FYB2: variants seen among roughly 807,000 people sequenced by gnomAD.
FYB2 encodes the protein FYN-binding protein 2.
Under a neutral mutation model 94.1 loss-of-function variants are expected in FYB2, and 103 were observed. That is an observed-to-expected ratio of 1.09 (90% CI 0.93 to 1.29). FYB2 has a LOEUF of 1.29. FYB2 is among the 50% of genes most tolerant of loss of function. FYB2 has a pLI of 0.00. For synonymous variants in FYB2, 293 were observed against 287.9 expected, an observed-to-expected ratio of 1.02 and a Z score of -0.18; for missense variants, 896 against 841.5, an observed-to-expected ratio of 1.06 and a Z score of -0.80.
intron 1 of FYB2, among the ~76,000 whole-genome samples, chr1:56,807,862 C>G (rs1458772870): frequency 6.6e-6 from 1 of 152,172 alleles, no homozygotes; most frequent in African/African-American, 2.4e-5. Flanking sequence ...AACTTTCATT[C>G]CCATCAATAA....
chr1:56,756,927 G>A (rs528433727), intron 6 of FYB2, among the ~76,000 whole-genome samples: 7 of 152,052 alleles, frequency 4.6e-5, no homozygotes, highest in East Asian at 1.9e-4. Context: ...GTGGTAGTTT[G>A]GTGTGAAGGG....
chr1:56,745,690 A>C (rs145659623), intron 9 of FYB2, among the ~76,000 whole-genome samples: 1 of 152,070 alleles, frequency 6.6e-6, no homozygotes, highest in South Asian at 2.1e-4. Flanking sequence ...CAGAAGCCAG[A>C]TGATTTTTTA....
At chr1:56,745,197 C>G (rs1645041218) in intron 9 of FYB2, among the ~76,000 whole-genome samples, 1 of 152,008 alleles carries the variant, frequency 6.6e-6, no homozygotes, top group Non-Finnish European at 1.5e-5. Context: ...TATTTCCTTC[C>G]TCAATCCTTC....
At chr1:56,811,521 A>G (rs1482906394) in intron 1 of FYB2, among the ~76,000 whole-genome samples, 1 of 152,200 alleles carries the variant, frequency 6.6e-6, no homozygotes, top group Non-Finnish European at 1.5e-5. Flanking sequence ...CAACCCAGCC[A>G]TTGTTGAGAT....
intron 1 of FYB2, among the ~76,000 whole-genome samples, chr1:56,804,180 A>G (rs1281600719): frequency 6.6e-6 from 1 of 152,180 alleles, no homozygotes. Context: ...CAATTATTCA[A>G]GTAGATGCTT....
chr1:56,740,763 T>C lies in FYB2; in HGVS notation c.1637A>G (p.Gln546Arg). 6.2e-7 allele frequency: 1 copy of C among 1,608,104 alleles called. No individual in the cohort carries two copies. Among genetic ancestry groups the C allele is most frequent in the South Asian group, 1.1e-5 (1 of 90,308 alleles). The change falls in exon 13 of 20, where the codon CAG becomes CGG. Residue 546 changes from glutamine to arginine, a missense_variant. By Grantham distance (43) the Gln-to-Arg change is conservative. Transcript: ENST00000343433. The part of the protein sequence containing the change: ...LDGKEALKRL[Q>R]QFFKKEKDRF... Reference sequence around the variant, plus strand: ...ATCCTTTTCTTTCTTGAAGAATTGCTGCAGTCTTTTGAGTGCTTCTTTTCC... The same window carrying C: ...ATCCTTTTCTTTCTTGAAGAATTGCCGCAGTCTTTTGAGTGCTTCTTTTCC...
chr1:56,805,733 A>C (rs896002581), intron 1 of FYB2, among the ~76,000 whole-genome samples: 1 of 152,120 alleles, frequency 6.6e-6, no homozygotes, highest in African/African-American at 2.4e-5. Context: ...TGCTCTCATG[A>C]TAGTGAATAA....
intron 15 of FYB2, among the ~76,000 whole-genome samples, chr1:56,736,814 T>C (rs1267267474): frequency 6.6e-6 from 1 of 152,108 alleles, no homozygotes; most frequent in African/African-American, 2.4e-5. Flanking sequence ...TTGGAGATAA[T>C]TTAAAAAATG....
chr1:56,754,086 T>G (rs982381252), intron 7 of FYB2, 151 bp from the exon 8 acceptor site: 1 of 603,456 alleles, frequency 1.7e-6, no homozygotes, highest in African/African-American at 1.9e-5. Flanking sequence ...ATCAGATCAA[T>G]TATATACATA....
chr1:56,773,209 T>C (rs78473348), intron 4 of FYB2, among the ~76,000 whole-genome samples: 4,615 of 152,226 alleles, frequency 0.03, 252 homozygotes, highest in African/African-American at 0.1. Context: ...TGACCTCTCA[T>C]GGTTGTTTCC....
rs1329019393 is a variant in FYB2, at chr1:56,792,133, T to G, written c.680A>C (p.Asn227Thr). The G allele has an allele frequency of 1.2e-6, 2 of 1,613,678 alleles. No individual in the cohort carries two copies. Among genetic ancestry groups the G allele is most frequent in the East Asian group, 2.2e-5 (1 of 44,866 alleles). Residue 227 changes from asparagine (N) to threonine (T), a missense_variant, in exon 2 of 20, where the codon AAC becomes ACC. By Grantham distance (65) the Asn-to-Thr change is moderately conservative. Coordinates refer to ENST00000343433, the MANE Select transcript of FYB2 (RefSeq NM_001004303.5). ...ISQHIRKSWE[N>T]PPPERSPASS... ...TGCCGGGCTCCTCTCAGGAGGTGGG[T>G]TTTCCCAGCTTTTTCTGATATGTTG...
intron 1 of FYB2, among the ~76,000 whole-genome samples, 154 bp from the exon 2 acceptor site, chr1:56,792,957 G>A (rs372024417): frequency 3.3e-5 from 5 of 152,068 alleles, no homozygotes; most frequent in Non-Finnish European, 2.9e-5. Flanking sequence ...CTGATATAAC[G>A]CAATTGCTTC....
intron 14 of FYB2, 21 bp from the exon 15 acceptor site, chr1:56,737,168 A>C: frequency 1.3e-6 from 2 of 1,556,016 alleles, no homozygotes; most frequent in Non-Finnish European, 1.8e-6. Flanking sequence ...GACAGAATCA[A>C]AATAGTCCAT....
At position 56,775,493 on chromosome 1, in the gene FYB2, C is replaced by T. The variant is rs75976477; in HGVS notation, c.954-7555G>A. Among the ~76,000 whole-genome samples, 10 of 152,230 alleles carry T rather than the reference C, an allele frequency of 6.6e-5. No homozygotes were observed. In the East Asian group the frequency reaches 1.7e-3, roughly 27 times the overall value. On this transcript the variant is annotated intron_variant, in intron 4 of 19. Coordinates refer to ENST00000343433, the MANE Select transcript of FYB2 (RefSeq NM_001004303.5). ...TCATAATAACAGCTGATAATTGTTA[C>T]CTGCCAAGCACTGTTTCAATTACAT...
intron 13 of FYB2, among the ~76,000 whole-genome samples, chr1:56,739,101 A>G (rs563508973): frequency 1.3e-5 from 2 of 152,210 alleles, no homozygotes; most frequent in South Asian, 2.1e-4. Flanking sequence ...AGACAGAACT[A>G]GAGAAGTAGA....
chr1:56,805,037 T>C (rs1393756055), intron 1 of FYB2, among the ~76,000 whole-genome samples: 1 of 152,176 alleles, frequency 6.6e-6, no homozygotes, highest in African/African-American at 2.4e-5. Flanking sequence ...TCTTTTGAGA[T>C]TTTTTAGCTG....
intron 10 of FYB2, 42 bp downstream of exon 10, chr1:56,744,110 C>T (rs1645017837): frequency 1.2e-6 from 2 of 1,611,984 alleles, no homozygotes; most frequent in Non-Finnish European, 1.7e-6. Context: ...CCTTTAAAGT[C>T]TCATCACATT....
intron 13 of FYB2, among the ~76,000 whole-genome samples, chr1:56,739,882 T>C (rs1413622898): frequency 6.6e-6 from 1 of 152,122 alleles, no homozygotes; most frequent in Non-Finnish European, 1.5e-5. Flanking sequence ...TTAAATGGAC[T>C]TTTAACTTAA....
chr1:56,734,676 TG>T (rs755622505), intron 15 of FYB2, among the ~76,000 whole-genome samples: 1 of 151,766 alleles, frequency 6.6e-6, no homozygotes, highest in Non-Finnish European at 1.5e-5. Context: ...GGTGAGGGGC[TG>T]GGGGAGGGAT....
Sources: gnomAD v4.1 joint callset for allele counts (sites outside exome capture counted in the v4.1 genomes callset) on GRCh38, gnomAD v4.1.1 for gene constraint, MANE v1.5 for transcripts, NCBI Gene and HGNC (gene_info 2026-07-23, HGNC 2026-07-21) for gene names.